USPL1: variants seen among roughly 807,000 people sequenced by gnomAD.
The protein encoded by USPL1 is SUMO-specific isopeptidase USPL1.
A neutral mutation model predicts 51.5 loss-of-function variants in USPL1; 27 were observed. That is an observed-to-expected ratio of 0.52 (90% CI 0.39 to 0.72). The LOEUF is 0.72. Ranked by LOEUF, USPL1 falls within the 30% of genes least tolerant of loss-of-function variation. The pLI is 0.00. For synonymous variants in USPL1, 451 were observed against 459.6 expected, an observed-to-expected ratio of 0.98 and a Z score of 0.24; for missense variants, 1,226 against 1,268.0, an observed-to-expected ratio of 0.97 and a Z score of 0.50.
intron 1 of USPL1, among the ~76,000 whole-genome samples, chr13:30,619,742 T>G (rs1470476216): frequency 6.7e-6 from 1 of 149,460 alleles, no homozygotes; most frequent in East Asian, 1.9e-4. Flanking sequence ...CTGAAAAGCG[T>G]AAGTTTGACT....
intron 3 of USPL1, among the ~76,000 whole-genome samples, chr13:30,629,435 T>C (rs1477941856): frequency 6.6e-6 from 1 of 152,100 alleles, no homozygotes. Context: ...TGCAGTGAGC[T>C]GGGATCGTGC....
chr13:30,622,817 A>G (rs1233545477), intron 3 of USPL1, among the ~76,000 whole-genome samples: 1 of 152,194 alleles, frequency 6.6e-6, no homozygotes, highest in Non-Finnish European at 1.5e-5. Context: ...GGTTGTTAAT[A>G]GATACTTATG....
At chr13:30,641,964 C>T (rs1950953566) in intron 5 of USPL1, among the ~76,000 whole-genome samples, 1 of 151,498 alleles carries the variant, frequency 6.6e-6, no homozygotes, top group South Asian at 2.1e-4. Context: ...TGGTATGCAG[C>T]GGCATGATCA....
Position 30,658,242 on chromosome 13 carries a change from T to C in USPL1, c.2165T>C (p.Val722Ala). 4 of 1,612,530 alleles carry C rather than the reference T, an allele frequency of 2.5e-6. No homozygotes were observed. Among genetic ancestry groups the C allele is most frequent in the Non-Finnish European group, 3.4e-6 (4 of 1,179,744 alleles). ...AAACCAGAACGTGTCACATCTCAGG[T>C]ATCTAATTTGAAGAAAAAAGAAACT... ...QLKPERVTSQ[V>A]SNLKKKETTA... Residue 722 changes from valine (V) to alanine (A), a missense_variant, in exon 9 of 9, where the codon GTA becomes GCA. Coordinates refer to ENST00000255304, the MANE Select transcript of USPL1 (RefSeq NM_005800.5).
intron 3 of USPL1, among the ~76,000 whole-genome samples, chr13:30,623,284 C>T (rs750248974): frequency 1.3e-5 from 2 of 151,928 alleles, no homozygotes; most frequent in African/African-American, 4.8e-5. Flanking sequence ...AGCAGCAGAG[C>T]GATAGAAGGT....
chr13:30,640,117 A>G (rs1271950515), intron 5 of USPL1, among the ~76,000 whole-genome samples: 1 of 152,196 alleles, frequency 6.6e-6, no homozygotes, highest in Non-Finnish European at 1.5e-5. Flanking sequence ...ATGCTCTGTA[A>G]TCATATAACT....
chr13:30,659,450 ATTAC>A lies in USPL1; in HGVS notation c.*97_*100del, dbSNP rs1448063436. 1 of 1,135,374 alleles carries A rather than the reference ATTAC, an allele frequency of 8.8e-7. No homozygotes were observed. The highest frequency in any genetic ancestry group is 2.6e-5 in the East Asian group (1 of 37,802). 70.3% of individuals were successfully genotyped at this position (1,135,374 alleles called of 1,614,324 possible). On this transcript the variant is annotated 3_prime_UTR_variant, in exon 9 of 9. Transcript: ENST00000255304. ...AGTGTTTATACACTGGACTTGTGTA[ATTAC>A]TTGTGTAATAACCATGAACAAAATG...
chr13:30,650,330 A>G (rs1951072796), intron 7 of USPL1, among the ~76,000 whole-genome samples: 1 of 151,260 alleles, frequency 6.6e-6, no homozygotes, highest in African/African-American at 2.4e-5. Context: ...TAGTCCCAGC[A>G]CTTTGGGAGG....
chr13:30,629,486 C>G (rs931292117), intron 3 of USPL1, among the ~76,000 whole-genome samples: 2 of 151,284 alleles, frequency 1.3e-5, no homozygotes, highest in African/African-American at 4.9e-5. Context: ...GACCCTGTCT[C>G]AAAAAAAAAT....
In USPL1 at chr13:30,647,343, T is replaced by C. The variant is rs1392045420; in HGVS notation, c.1238+286T>C. 3.9e-5 allele frequency among the ~76,000 whole-genome samples: 6 copies of C among 152,136 alleles called. No homozygotes were observed. The East Asian group carries it at 7.7e-4, about 20-fold the overall frequency. On this transcript the variant is annotated intron_variant, in intron 7 of 8. Transcript: ENST00000255304. ...TAAGGATATCAAGCTTCAGTTTTTCTCTCCTCTGCCAAGTGTATGGAGTTT... is the reference window on the plus strand; with the variant it reads ...TAAGGATATCAAGCTTCAGTTTTTCCCTCCTCTGCCAAGTGTATGGAGTTT...
intron 5 of USPL1, among the ~76,000 whole-genome samples, chr13:30,639,222 G>GTATATATATATA (rs61182649): frequency 6.9e-6 from 1 of 144,430 alleles, no homozygotes; most frequent in African/African-American, 2.5e-5. Context: ...CTCAAAAAAT[G>GTATATATATATA]TATATATATA....
At chr13:30,638,623 T>C (rs1479511848) in intron 5 of USPL1, among the ~76,000 whole-genome samples, 3 of 152,014 alleles carry the variant, frequency 2.0e-5, no homozygotes, top group African/African-American at 7.2e-5. Context: ...GAAAGGGCTT[T>C]TTGTTTTATT....
intron 4 of USPL1, among the ~76,000 whole-genome samples, chr13:30,635,072 A>G (rs375620874): frequency 1.0e-3 from 157 of 152,276 alleles, no homozygotes; most frequent in African/African-American, 3.4e-3. Context: ...TGTTCCTTGT[A>G]TCATTGTTGC....
intron 3 of USPL1, among the ~76,000 whole-genome samples, chr13:30,628,182 C>T (rs1439115400): frequency 6.6e-6 from 1 of 151,930 alleles, no homozygotes; most frequent in Non-Finnish European, 1.5e-5. Context: ...AGGCTTGAGC[C>T]ACTGTACCCG....
intron 4 of USPL1, among the ~76,000 whole-genome samples, chr13:30,633,417 C>G (rs1950833715): frequency 6.6e-6 from 1 of 151,814 alleles, no homozygotes; most frequent in Non-Finnish European, 1.5e-5. Context: ...GGTACTGAAC[C>G]CTGTATATAC....
chr13:30,633,779 T>A (rs1950838592), intron 4 of USPL1, among the ~76,000 whole-genome samples: 3 of 134,796 alleles, frequency 2.2e-5, no homozygotes, highest in African/African-American at 8.7e-5. Flanking sequence ...AATGAGACTC[T>A]GTCTCAAAAA....
intron 6 of USPL1, among the ~76,000 whole-genome samples, chr13:30,645,659 C>G (rs1353164423): frequency 1.3e-5 from 2 of 152,146 alleles, no homozygotes; most frequent in Admixed American, 6.5e-5. Flanking sequence ...CAGCAAATTC[C>G]TTTGTTTTTG....
chr13:30,651,766 G>A (rs1951094923), intron 7 of USPL1, among the ~76,000 whole-genome samples: 1 of 152,174 alleles, frequency 6.6e-6, no homozygotes, highest in Non-Finnish European at 1.5e-5. Context: ...TTCGAGACCA[G>A]CCTGGCCAAC....
At position 30,637,813 on chromosome 13, in the gene USPL1, A is replaced by T. The variant is rs535564213; in HGVS notation, c.938A>T (p.Asp313Val). 22 of 1,613,694 alleles carry T rather than the reference A, an allele frequency of 1.4e-5. No individual in the cohort carries two copies. The highest frequency in any genetic ancestry group is 1.8e-5 in the Non-Finnish European group (21 of 1,179,826). ...GAGACCTGTCTGAATGAAGTTAGAG[A>T]TGAAATTTTTATTAGCCTTCAGCCC... ...EIETCLNEVR[D>V]EIFISLQPQL... Residue 313 changes from aspartate to valine, a missense_variant, in exon 5 of 9, where the codon GAT (aspartate) becomes GTT (valine). Transcript: ENST00000255304.
Sources: allele counts gnomAD v4.1 joint callset (sites outside exome capture counted in the v4.1 genomes callset), GRCh38; gene constraint gnomAD v4.1.1; transcripts MANE v1.5; gene names NCBI Gene and HGNC (gene_info 2026-07-23, HGNC 2026-07-21).